The following SLCO1A2 variants were observed in gnomAD, a reference collection of about 807,000 sequenced individuals.
The protein encoded by SLCO1A2 is solute carrier organic anion transporter family member 1A2.
Under a neutral mutation model 69.0 loss-of-function variants are expected in SLCO1A2, and 67 were observed. The observed-to-expected ratio is 0.97, with a 90% CI of 0.80 to 1.19. SLCO1A2 has a LOEUF of 1.19. Among genes scored for constraint, SLCO1A2 ranks in the 50% most tolerant of loss-of-function variants. The probability of loss-of-function intolerance (pLI) is 0.00; values close to 1 mark genes in which losing one functional copy is unlikely to be tolerated. For synonymous variants in SLCO1A2, 260 were observed against 265.9 expected (o/e 0.98, Z 0.22); for missense variants, 787 against 793.7 (o/e 0.99, Z 0.10).
intron 2 of SLCO1A2, among the ~76,000 whole-genome samples, chr12:21,368,825 A>C (rs1337484237): frequency 6.6e-6 from 1 of 152,188 alleles, no homozygotes; most frequent in Non-Finnish European, 1.5e-5. Context: ...AATTCAAAAA[A>C]TTTATTAAAC....
intron 8 of SLCO1A2, 151 bp downstream of exon 8, chr12:21,300,197 G>C: frequency 1.9e-6 from 1 of 517,294 alleles, no homozygotes. Flanking sequence ...ACCATAGGAA[G>C]AATCGGACTA....
At chr12:21,332,199 C>T (rs1952658794) in intron 2 of SLCO1A2, among the ~76,000 whole-genome samples, 1 of 152,128 alleles carries the variant, frequency 6.6e-6, no homozygotes, top group South Asian at 2.1e-4. Flanking sequence ...AGACATAATG[C>T]ATCAATCAAT....
At chr12:21,343,446 C>A (rs1953141010) in intron 2 of SLCO1A2, among the ~76,000 whole-genome samples, 1 of 151,942 alleles carries the variant, frequency 6.6e-6, no homozygotes. Context: ...CCCCTTTTTT[C>A]TTGCAGGACC....
At chr12:21,316,552 C>CTTTT (rs10679944) in intron 3 of SLCO1A2, among the ~76,000 whole-genome samples, 12 of 145,062 alleles carry the variant, frequency 8.3e-5, no homozygotes, top group African/African-American at 2.5e-4. Flanking sequence ...ACTGCTGATA[C>CTTTT]TTTTTTTTTT....
chr12:21,306,653 TAATA>T (rs148368950), intron 5 of SLCO1A2, among the ~76,000 whole-genome samples: 2,178 of 152,294 alleles, frequency 0.014, 17 homozygotes, highest in African/African-American at 0.032. Context: ...GATAACATGT[TAATA>T]AATAAACAAG....
At chr12:21,293,338 A>G (rs1419367122) in intron 11 of SLCO1A2, among the ~76,000 whole-genome samples, 3 of 152,160 alleles carry the variant, frequency 2.0e-5, no homozygotes, top group Non-Finnish European at 4.4e-5. Context: ...TTTCTTTCAA[A>G]AAAAGAATTG....
At chr12:21,348,921 G>A (rs1351395153) in intron 2 of SLCO1A2, among the ~76,000 whole-genome samples, 4 of 152,170 alleles carry the variant, frequency 2.6e-5, no homozygotes, top group Non-Finnish European at 5.9e-5. Context: ...CGGCCTTCGG[G>A]TGGTAATGAT....
At position 21,295,624 on chromosome 12, in the gene SLCO1A2, A is replaced by G; in HGVS notation, c.1244T>C (p.Val415Ala). 6.3e-7 allele frequency: 1 copy of G among 1,595,898 alleles called. No individual in the cohort carries two copies. The highest frequency in any genetic ancestry group is 8.6e-7 in the Non-Finnish European group (1 of 1,163,968). The change falls in exon 10 of 15, where the codon GTT becomes GCT. Residue 415 changes from valine (V) to alanine (A), a missense_variant. Transcript: ENST00000683939. ...TTCATAAGAGGTATTTATTCCAACA[A>G]CTGAAGAATTTTCACAAGTCATGAG... ...SFLMTCENSS[V>A]VGINTSYEGI...
rs1264665979 is a variant in SLCO1A2, at chr12:21,292,175, C to A, written c.1599G>T (p.Met533Ile). 2.5e-6 allele frequency: 4 copies of A among 1,594,584 alleles called. No homozygotes were observed. Among genetic ancestry groups the A allele is most frequent in the Non-Finnish European group, 3.4e-6 (4 of 1,170,594 alleles). The change falls in exon 12 of 15, where the codon ATG (methionine) becomes ATT (isoleucine). Residue 533 changes from methionine to isoleucine, a missense_variant. Coordinates refer to ENST00000683939, the MANE Select transcript of SLCO1A2 (RefSeq NM_001386879.1). Reference protein sequence around the residue: ...IYSLAAIPGYMVLLRCMKSEE... With the variant: ...IYSLAAIPGYIVLLRCMKSEE... ...AAATAATTTTGTACCTCAAGAGAAC[C>A]ATATATCCAGGTATGGCAGCCAAAG...
chr12:21,315,288 G>A (rs1010136897), intron 3 of SLCO1A2, among the ~76,000 whole-genome samples: 1 of 152,094 alleles, frequency 6.6e-6, no homozygotes, highest in Non-Finnish European at 1.5e-5. Context: ...AGTCTTCAGT[G>A]AGTCTGGATT....
chr12:21,357,579 C>A (rs1938472431), intron 2 of SLCO1A2, among the ~76,000 whole-genome samples: 1 of 152,210 alleles, frequency 6.6e-6, no homozygotes, highest in Non-Finnish European at 1.5e-5. Flanking sequence ...AAATCTCCAA[C>A]TGGACTATAT....
rs750164111 is a variant in SLCO1A2, at chr12:21,294,012, T to C, written c.1370A>G (p.Asn457Ser). The C allele has an allele frequency of 1.2e-6, 2 of 1,613,318 alleles. No homozygotes were observed. Among genetic ancestry groups the C allele is most frequent in the Non-Finnish European group, 1.7e-6 (2 of 1,179,608 alleles). Residue 457 changes from asparagine to serine, a missense_variant, in exon 11 of 15, where the codon AAT (asparagine) becomes AGT (serine). Asn to Ser is a conservative substitution (Grantham distance 46). Transcript: ENST00000683939. ...ACAAGCTGACAGATATGACAAGCCA[T>C]TGTTTCCACACACAGGATCCCATAT... ...SKIWDPVCGN[N>S]GLSYLSACLA...
intron 1 of SLCO1A2, among the ~76,000 whole-genome samples, chr12:21,376,003 T>C (rs1940168519): frequency 6.6e-6 from 1 of 152,190 alleles, no homozygotes; most frequent in South Asian, 2.1e-4. Context: ...ATCTTATATA[T>C]ACTGAATAGT....
intron 2 of SLCO1A2, among the ~76,000 whole-genome samples, chr12:21,368,207 A>C (rs1360667516): frequency 1.3e-5 from 2 of 152,164 alleles, no homozygotes; most frequent in African/African-American, 4.8e-5. Flanking sequence ...TTCTTACCAA[A>C]ATAATGGAAG....
upstream of SLCO1A2, among the ~76,000 whole-genome samples, chr12:21,336,933 G>C (rs571734521): frequency 2.0e-5 from 3 of 152,110 alleles, no homozygotes; most frequent in South Asian, 6.2e-4. Flanking sequence ...GGAGAATCAT[G>C]TTATTTCCCT....
intron 2 of SLCO1A2, among the ~76,000 whole-genome samples, chr12:21,340,094 T>C (rs1953018458): frequency 2.0e-5 from 3 of 151,990 alleles, no homozygotes; most frequent in African/African-American, 7.2e-5. Context: ...ATTCAGGAGA[T>C]TTACAATGTG....
intron 2 of SLCO1A2, among the ~76,000 whole-genome samples, chr12:21,357,891 T>C (rs903411443): frequency 9.2e-5 from 14 of 152,136 alleles, no homozygotes; most frequent in Admixed American, 5.9e-4. Context: ...GTTTTTAAAA[T>C]ATAAACATGC....
intron 1 of SLCO1A2, among the ~76,000 whole-genome samples, chr12:21,390,213 C>T (rs966371701): frequency 5.9e-5 from 9 of 152,022 alleles, no homozygotes; most frequent in Middle Eastern, 6.8e-3. Context: ...TTTTAAATAA[C>T]AGAAAGATAT....
At chr12:21,350,603 G>C (rs1050659214) in intron 2 of SLCO1A2, among the ~76,000 whole-genome samples, 2 of 151,930 alleles carry the variant, frequency 1.3e-5, no homozygotes, top group Non-Finnish European at 2.9e-5. Context: ...TTGGGAGGCC[G>C]AGGCGGGTGG....
Sources: gnomAD v4.1 joint callset for allele counts (sites outside exome capture counted in the v4.1 genomes callset) on GRCh38, gnomAD v4.1.1 for gene constraint, MANE v1.5 for transcripts, NCBI Gene and HGNC (gene_info 2026-07-23, HGNC 2026-07-21) for gene names.